FLNC: variants seen among roughly 807,000 people sequenced by gnomAD.
FLNC encodes filamin C, also known as filamin-C.
In FLNC, 91 loss-of-function variants were observed where a neutral mutation model predicts 254.3. The ratio of observed to expected loss-of-function variants is 0.36; its 90% CI spans 0.30 to 0.43. FLNC has a LOEUF of 0.43. Among genes scored for constraint, FLNC ranks in the 20% least tolerant of loss-of-function variants. The pLI is 1.00. For synonymous variants in FLNC, 1,430 were observed against 1,577.2 expected (o/e 0.91, Z 2.21); for missense variants, 2,853 against 3,802.6 (o/e 0.75, Z 6.57).
At chr7:128,834,321 C>T (rs539546088) in intron 1 of FLNC, among the ~76,000 whole-genome samples, 9 of 146,824 alleles carry the variant, frequency 6.1e-5, no homozygotes, top group Non-Finnish European at 1.0e-4. Context: ...GCCCCCCCCC[C>T]CCAAATCTTG....
chr7:128,839,910 C>T (rs556022429), intron 8 of FLNC, 113 bp from the exon 9 acceptor site: 45 of 1,368,326 alleles, frequency 3.3e-5, no homozygotes, highest in East Asian at 1.8e-4. Context: ...AGAGCAGGGC[C>T]GTGGGCCACT....
chr7:128,844,309 G>A lies in FLNC; in HGVS notation c.3192+43G>A, dbSNP rs149122601. 14 of 1,569,924 alleles carry A rather than the reference G, an allele frequency of 8.9e-6. No individual in the cohort carries two copies. In the East Asian group the frequency reaches 2.7e-4, roughly 30 times the overall value. On this transcript the variant is annotated intron_variant, in intron 20 of 47. Transcript: ENST00000325888. ...GGTTGGGGCTGGGAGTTGGGGACTTGTTGGGAAGATAGATGAGTCATAGGG... is the reference window on the plus strand; with the variant it reads ...GGTTGGGGCTGGGAGTTGGGGACTTATTGGGAAGATAGATGAGTCATAGGG...
rs371591881 is a variant in FLNC, at chr7:128,847,742, A to G, written c.4334A>G (p.Lys1445Arg). 36 of 1,614,130 alleles carry G rather than the reference A, an allele frequency of 2.2e-5. No homozygotes were observed. In the African/African-American group the frequency reaches 3.9e-4, roughly 17 times the overall value. Reference protein sequence around the residue: ...VPVKDVVDPGKVKCSGPGLGA... With the variant: ...VPVKDVVDPGRVKCSGPGLGA... ...GTGAAGGATGTGGTGGACCCTGGGA[A>G]GGTGAAGTGCTCAGGGCCAGGGCTG... Residue 1445 changes from lysine (K) to arginine (R), a missense_variant, in exon 25 of 48, where the codon AAG (lysine) becomes AGG (arginine). This residue lies in a region of FLNC where 1,573 missense variants were observed against 1,883.5 expected (regional missense o/e 0.84). Transcript: ENST00000325888.
intron 6 of FLNC, 58 bp from the exon 7 acceptor site, chr7:128,838,209 C>T (rs915576310): frequency 1.3e-5 from 20 of 1,575,800 alleles, no homozygotes; most frequent in Non-Finnish European, 1.7e-5. Flanking sequence ...CTGTGCCCCT[C>T]TGCCCCCTCT....
At chr7:128,850,592 T>A in intron 32 of FLNC, 109 bp downstream of exon 32, 1 of 1,205,802 alleles carries the variant, frequency 8.3e-7, no homozygotes, top group East Asian at 2.4e-5. Context: ...GGAAGTGAGC[T>A]CTACCCAGGG....
At position 128,851,504 on chromosome 7, in the gene FLNC, T is replaced by C. The variant is rs1208623104; in HGVS notation, c.5718T>C (p.Cys1906=). 1.9e-6 allele frequency: 3 copies of C among 1,613,966 alleles called. No homozygotes were observed. Among genetic ancestry groups the C allele is most frequent in the Non-Finnish European group, 2.5e-6 (3 of 1,180,016 alleles). Residue 1906 remains cysteine (C), a synonymous_variant, in exon 35 of 48, where the codon TGT becomes TGC. Coordinates refer to ENST00000325888, the MANE Select transcript of FLNC (RefSeq NM_001458.5). ...GCCCATCCAAGGCAGAGATCACCTG[T>C]AAGGACAACAAGGATGGCACCTGCA... ...VEGPSKAEIT[C]KDNKDGTCTV...
chr7:128,854,315 C>A (rs1310150025), intron 40 of FLNC, 98 bp from the exon 41 acceptor site: 7 of 1,600,252 alleles, frequency 4.4e-6, no homozygotes, highest in Non-Finnish European at 6.0e-6. Context: ...AAGGCCAGGG[C>A]AGGTCTGAGC....
chr7:128,830,913 C>T lies in FLNC; in HGVS notation c.276C>T (p.Phe92=), dbSNP rs774796561. The part of the protein sequence containing the change: ...MYRKFHPRPN[F]RQMKLENVSV... Reference sequence around the variant, plus strand: ...GCAAGTTCCATCCGCGCCCCAACTTCCGCCAAATGAAGCTGGAGAACGTGT... The same window carrying T: ...GCAAGTTCCATCCGCGCCCCAACTTTCGCCAAATGAAGCTGGAGAACGTGT... The change falls in exon 1 of 48, where the codon TTC becomes TTT. Residue 92 remains phenylalanine, a synonymous_variant. Transcript: ENST00000325888. 6.2e-7 allele frequency: 1 copy of T among 1,613,120 alleles called. No homozygotes were observed. Among genetic ancestry groups the T allele is most frequent in the Non-Finnish European group, 8.5e-7 (1 of 1,179,972 alleles).
intron 24 of FLNC, among the ~76,000 whole-genome samples, chr7:128,847,467 C>G (rs560292548): frequency 6.6e-6 from 1 of 152,242 alleles, no homozygotes; most frequent in Non-Finnish European, 1.5e-5. Context: ...AAGGCCTTCT[C>G]TTCCAGGCCT....
Position 128,843,419 on chromosome 7 carries a change from G to T in FLNC, c.2653G>T (p.Gly885Trp). 1 of 1,614,024 alleles carries T rather than the reference G, an allele frequency of 6.2e-7. No individual in the cohort carries two copies. Among genetic ancestry groups the T allele is most frequent in the Non-Finnish European group, 8.5e-7 (1 of 1,180,020 alleles). Residue 885 changes from glycine to tryptophan, a missense_variant, in exon 18 of 48, where the codon GGG (glycine) becomes TGG (tryptophan). Physicochemically the swap from Gly to Trp is radical, Grantham distance 184. Around this residue, in one of 10 missense-constraint regions of FLNC, gnomAD observed 1,573 missense variants for 1,883.5 expected, o/e 0.84. Coordinates refer to ENST00000325888, the MANE Select transcript of FLNC (RefSeq NM_001458.5). ...PGLNRTGVEV[G>W]KPTHFTVLTK... ...GGGTGGGTCCTCAGGTGTGGAAGTC[G>T]GGAAGCCCACCCACTTCACGGTGCT...
In FLNC at chr7:128,830,483, C is replaced by A. The variant is rs1807838814; in HGVS notation, c.-155C>A. 1.5e-6 allele frequency: 1 copy of A among 661,462 alleles called. No homozygotes were observed. The highest frequency in any genetic ancestry group is 2.9e-5 in the Admixed American group (1 of 34,942). The allele number at this position is 661,462 out of a possible 1,614,324, so 41.0% of individuals were successfully genotyped here. A position where few individuals can be genotyped will look rare whatever the true frequency, so the allele number is the denominator to read the frequency against. On this transcript the variant is annotated 5_prime_UTR_variant, in exon 1 of 48. Coordinates refer to ENST00000325888, the MANE Select transcript of FLNC (RefSeq NM_001458.5). ...CCGAGCGCCTAGGAGGCCCGCCGAG[C>A]CTCGCCGAGCCCCGCCAGCCCCGGC...
chr7:128,835,665 T>G lies in FLNC; in HGVS notation c.601+91T>G. 3 of 1,433,120 alleles carry G rather than the reference T, an allele frequency of 2.1e-6. No homozygotes were observed. Among genetic ancestry groups the G allele is most frequent in the Non-Finnish European group, 2.9e-6 (3 of 1,033,088 alleles). 88.8% of individuals were successfully genotyped at this position (1,433,120 alleles called of 1,614,324 possible). On this transcript the variant is annotated intron_variant, in intron 2 of 47. Transcript: ENST00000325888. This position sits in a 1 kb window ranked among gnomAD's most constrained non-coding sequence, Gnocchi z 5.3. ...CTGCCAAGGCGTGTGGTTGTCAGAA[T>G]GCACACCCTGGGGCCTGGGGGCCAG...
Position 128,855,330 on chromosome 7 carries a change from G to A in FLNC, c.7251+16G>A, listed in dbSNP as rs573245805. 7.9e-6 allele frequency: 12 copies of A among 1,510,846 alleles called. No individual in the cohort carries two copies. Among genetic ancestry groups the A allele is most frequent in the Middle Eastern group, 1.7e-4 (1 of 5,908 alleles). 93.6% of individuals were successfully genotyped at this position (1,510,846 alleles called of 1,614,324 possible). A position where few individuals can be genotyped will look rare whatever the true frequency, so the allele number is the denominator to read the frequency against. The stretch of plus-strand genomic sequence containing the variant: ...CAGCCTCCAGGTTTGTGCCCAGGGT[G>A]GGGGTGGAGGGTTTCTGCTATCTGA... On this transcript the variant is annotated intron_variant, in intron 43 of 47. Coordinates refer to ENST00000325888, the MANE Select transcript of FLNC (RefSeq NM_001458.5).
rs989204491 is a variant in FLNC, at chr7:128,835,948, C to T, written c.601+374C>T. Among the ~76,000 whole-genome samples the T allele has an allele frequency of 9.2e-5, 14 of 152,168 alleles. No homozygotes were observed. The highest frequency in any genetic ancestry group is 1.9e-4 in the Non-Finnish European group (13 of 68,038). On this transcript the variant is annotated intron_variant, in intron 2 of 47. Transcript: ENST00000325888. The surrounding 1 kb of genome is among the most constrained non-coding windows in gnomAD (Gnocchi z 5.3). ...TTTTACTGTGCCACGAGGCACTATT[C>T]CTGCCGAGCTGAGAGAGAGGCAGTG...
Position 128,841,077 on chromosome 7 carries a change from G to T in FLNC, c.1814-93G>T. ...TGCTGGGGAGCGCTGGGGTGAGCAG[G>T]GAGATAGGACATGAGGGCAGCTAGA... On this transcript the variant is annotated intron_variant, in intron 11 of 47. Coordinates refer to ENST00000325888, the MANE Select transcript of FLNC (RefSeq NM_001458.5). This position sits in a 1 kb window ranked among gnomAD's most constrained non-coding sequence, Gnocchi z 4.3. The T allele has an allele frequency of 3.2e-6, 5 of 1,576,064 alleles. No individual in the cohort carries two copies. The highest frequency in any genetic ancestry group is 4.3e-6 in the Non-Finnish European group (5 of 1,151,902).
intron 16 of FLNC, 96 bp downstream of exon 16, chr7:128,843,050 G>T (rs895285145): frequency 1.1e-5 from 16 of 1,494,772 alleles, no homozygotes; most frequent in Middle Eastern, 1.7e-4. Flanking sequence ...GGATGATTCC[G>T]CAGACATGGT....
Position 128,854,030 on chromosome 7 carries a change from A to G in FLNC, c.6541A>G (p.Ser2181Gly). 3.1e-6 allele frequency: 5 copies of G among 1,613,082 alleles called. No homozygotes were observed. The highest frequency in any genetic ancestry group is 4.2e-6 in the Non-Finnish European group (5 of 1,179,978). ...QERLTRTFTR[S>G]SHTYTRTERT... ...GCGCCTGACACGCACCTTCACACGC[A>G]GCAGCCACACCTACACCCGCACGGA... The change falls in exon 40 of 48, where the codon AGC (serine) becomes GGC (glycine). Residue 2181 changes from serine to glycine, a missense_variant. Ser to Gly is a moderately conservative substitution (Grantham distance 56). Around this residue, in one of 10 missense-constraint regions of FLNC, gnomAD observed 551 missense variants for 835.0 expected, o/e 0.66. Transcript: ENST00000325888.
intron 30 of FLNC, 31 bp from the exon 31 acceptor site, chr7:128,849,945 C>G (rs1455054639): frequency 6.8e-7 from 1 of 1,476,338 alleles, no homozygotes; most frequent in African/African-American, 1.4e-5. Flanking sequence ...GAGGCTGCCA[C>G]ACCCTGTGCC....
Position 128,831,615 on chromosome 7 carries a change from A to G in FLNC, c.352+626A>G, listed in dbSNP as rs535858725. ...GCACTGAGCGAGCGCGGGGAGACTTAACCCCTGTCTGTCCTCCTCCTGCTT... is the reference window on the plus strand; with the variant it reads ...GCACTGAGCGAGCGCGGGGAGACTTGACCCCTGTCTGTCCTCCTCCTGCTT... On this transcript the variant is annotated intron_variant, in intron 1 of 47. Coordinates refer to ENST00000325888, the MANE Select transcript of FLNC (RefSeq NM_001458.5). Among the ~76,000 whole-genome samples the G allele has an allele frequency of 3.4e-4, 52 of 152,292 alleles. 1 individual carries two copies. Among genetic ancestry groups the G allele is most frequent in the African/African-American group, 1.3e-3 (52 of 41,562 alleles).
Sources: gnomAD v4.1 joint callset for allele counts (sites outside exome capture counted in the v4.1 genomes callset) on GRCh38, gnomAD v4.1.1 for gene constraint, gnomAD v4.1.1 regional missense constraint, Gnocchi (gnomAD v3.1) non-coding constraint, MANE v1.5 for transcripts, NCBI Gene and HGNC (gene_info 2026-07-23, HGNC 2026-07-21) for gene names.